The following CADPS2 variants were observed in gnomAD, a reference collection of about 807,000 sequenced individuals.
The protein encoded by CADPS2 is calcium dependent secretion activator 2.
CADPS2 carries 93 observed loss-of-function variants against 172.5 expected under a neutral mutation model. The ratio of observed to expected loss-of-function variants is 0.54; its 90% CI spans 0.46 to 0.64. The LOEUF is 0.64. Among genes scored for constraint, CADPS2 ranks in the 30% least tolerant of loss-of-function variants. The probability of loss-of-function intolerance (pLI) is 0.00; values close to 1 mark genes in which losing one functional copy is unlikely to be tolerated. For synonymous variants in CADPS2, 546 were observed against 555.2 expected (o/e 0.98, Z 0.23); for missense variants, 1,420 against 1,565.9 (o/e 0.91, Z 1.57).
chr7:122,658,117 C>T (rs535471902), intron 3 of CADPS2, among the ~76,000 whole-genome samples: 1 of 152,278 alleles, frequency 6.6e-6, no homozygotes, highest in South Asian at 2.1e-4. Context: ...GACATTTATG[C>T]AGCCAACAGA....
intron 1 of CADPS2, among the ~76,000 whole-genome samples, chr7:122,762,706 G>A (rs1244721260): frequency 6.6e-6 from 1 of 152,088 alleles, no homozygotes; most frequent in Non-Finnish European, 1.5e-5. Flanking sequence ...AGAGGAAAAG[G>A]GAATTTTCAA....
chr7:122,780,605 C>A (rs932888047), intron 1 of CADPS2, among the ~76,000 whole-genome samples: 4 of 152,036 alleles, frequency 2.6e-5, no homozygotes, highest in Admixed American at 1.3e-4. Context: ...GCCTCAACCT[C>A]CAGGGCTCAA....
intron 14 of CADPS2, among the ~76,000 whole-genome samples, chr7:122,454,802 C>A (rs1012478596): frequency 2.6e-5 from 4 of 152,230 alleles, no homozygotes; most frequent in Admixed American, 6.5e-5. Flanking sequence ...TTTATAAATT[C>A]ATTCCTGCCA....
intron 2 of CADPS2, among the ~76,000 whole-genome samples, chr7:122,686,731 C>T (rs545826401): frequency 6.6e-6 from 1 of 152,360 alleles, no homozygotes; most frequent in Admixed American, 6.5e-5. Context: ...TTCTGCCAGG[C>T]TGGTGTGCAG....
chr7:122,448,815 C>A (rs192229676), intron 15 of CADPS2, among the ~76,000 whole-genome samples: 27 of 152,098 alleles, frequency 1.8e-4, no homozygotes, highest in Admixed American at 7.9e-4. Context: ...TTTTTATGAT[C>A]TTAAGAGAAG....
intron 3 of CADPS2, among the ~76,000 whole-genome samples, chr7:122,645,508 AT>A (rs2078373150): frequency 8.2e-6 from 1 of 122,612 alleles, no homozygotes; most frequent in African/African-American, 3.0e-5. Flanking sequence ...ATAAGTATAT[AT>A]ATACTTATAT....
intron 2 of CADPS2, among the ~76,000 whole-genome samples, chr7:122,668,224 A>AG (rs1041858467): frequency 1.3e-4 from 17 of 130,386 alleles, no homozygotes; most frequent in Middle Eastern, 4.0e-3. Context: ...AATATAAGAG[A>AG]GGGAAAATTG....
At chr7:122,465,396 C>A (rs546752856) in intron 14 of CADPS2, among the ~76,000 whole-genome samples, 1 of 152,228 alleles carries the variant, frequency 6.6e-6, no homozygotes, top group African/African-American at 2.4e-5. Context: ...CAGGGGTCCC[C>A]AATACCCGGG....
chr7:122,421,645 G>T (rs768461758), intron 17 of CADPS2, among the ~76,000 whole-genome samples: 19 of 152,272 alleles, frequency 1.2e-4, no homozygotes, highest in Middle Eastern at 3.4e-3. Context: ...TGCCTTCAAA[G>T]AATTTACATA....
intron 6 of CADPS2, among the ~76,000 whole-genome samples, chr7:122,612,437 C>T (rs888733393): frequency 1.3e-5 from 2 of 151,698 alleles, no homozygotes; most frequent in Non-Finnish European, 2.9e-5. Flanking sequence ...AACAATTCAA[C>T]TCAAAATAGC....
intron 8 of CADPS2, among the ~76,000 whole-genome samples, chr7:122,523,489 A>AT (rs1198531278): frequency 1.3e-5 from 2 of 152,058 alleles, no homozygotes; most frequent in African/African-American, 4.8e-5. Context: ...CTTGATAAAT[A>AT]TTTTTAAGTG....
intron 6 of CADPS2, among the ~76,000 whole-genome samples, chr7:122,586,936 ACT>A (rs908704909): frequency 6.6e-5 from 10 of 151,832 alleles, no homozygotes; most frequent in African/African-American, 2.4e-4. Context: ...TAACCAATTA[ACT>A]CTATTAAAAA....
At chr7:122,548,832 T>C (rs2063896025) in intron 8 of CADPS2, among the ~76,000 whole-genome samples, 1 of 152,176 alleles carries the variant, frequency 6.6e-6, no homozygotes, top group Admixed American at 6.5e-5. Flanking sequence ...TTATGTAATA[T>C]TTTCATTTTT....
intron 15 of CADPS2, among the ~76,000 whole-genome samples, chr7:122,443,590 ATTT>A (rs34333754): frequency 7.0e-6 from 1 of 143,710 alleles, no homozygotes; most frequent in Non-Finnish European, 1.5e-5. Flanking sequence ...TAAATACAGT[ATTT>A]TTTTTTTTTA....
At chr7:122,649,101 T>C (rs1429720646) in intron 3 of CADPS2, among the ~76,000 whole-genome samples, 3 of 151,562 alleles carry the variant, frequency 2.0e-5, no homozygotes, top group African/African-American at 7.3e-5. Flanking sequence ...TTCCAAGCTC[T>C]TTGATCTAGT....
At chr7:122,465,918 C>T (rs764305287) in intron 14 of CADPS2, among the ~76,000 whole-genome samples, 30 of 152,220 alleles carry the variant, frequency 2.0e-4, no homozygotes, top group Non-Finnish European at 4.1e-4. Flanking sequence ...CAAACTGGGA[C>T]GGCAATGGTA....
chr7:122,707,934 A>G (rs2087863060), intron 2 of CADPS2, among the ~76,000 whole-genome samples: 1 of 151,666 alleles, frequency 6.6e-6, no homozygotes, highest in Non-Finnish European at 1.5e-5. Flanking sequence ...GGCAACTATA[A>G]TTCTTATTTC....
At chr7:122,493,090 T>A (rs1037020079) in intron 9 of CADPS2, among the ~76,000 whole-genome samples, 1 of 152,050 alleles carries the variant, frequency 6.6e-6, no homozygotes, top group African/African-American at 2.4e-5. Context: ...TTAAAGGGTA[T>A]CATGAAGAAA....
intron 1 of CADPS2, among the ~76,000 whole-genome samples, chr7:122,830,087 G>GA (rs886400084): frequency 1.3e-5 from 2 of 151,650 alleles, no homozygotes; most frequent in African/African-American, 4.8e-5. Context: ...TTTGGACACA[G>GA]AAAGGTTAAC....
Sources: allele counts gnomAD v4.1 joint callset (sites outside exome capture counted in the v4.1 genomes callset), GRCh38; gene constraint gnomAD v4.1.1; transcripts MANE v1.5; gene names NCBI Gene and HGNC (gene_info 2026-07-23, HGNC 2026-07-21).